The following PDE1A variants were observed in gnomAD, a reference collection of about 807,000 sequenced individuals.
The protein encoded by PDE1A is phosphodiesterase 1A, also known as dual specificity calcium/calmodulin-dependent 3',5'-cyclic nucleotide phosphodiesterase 1A.
In PDE1A, 35 loss-of-function variants were observed where a neutral mutation model predicts 61.7. The ratio of observed to expected loss-of-function variants is 0.57; its 90% CI spans 0.43 to 0.75. The LOEUF (loss-of-function observed/expected upper bound fraction) is 0.75, where lower values mean the gene tolerates loss of function less well. Among genes scored for constraint, PDE1A ranks in the 30% least tolerant of loss-of-function variants. The probability of loss-of-function intolerance (pLI) is 0.00; values close to 1 mark genes in which losing one functional copy is unlikely to be tolerated. For missense variants in PDE1A, 597 were observed against 630.6 expected (o/e 0.95, Z 0.57); for synonymous variants, 232 against 213.2 (o/e 1.09, Z -0.77).
chr2:182,507,282 C>G (rs1365670822), intron 2 of PDE1A, among the ~76,000 whole-genome samples: 3 of 152,126 alleles, frequency 2.0e-5, no homozygotes, highest in Admixed American at 6.5e-5. Flanking sequence ...TATCAACTAG[C>G]TTTTGTTGTG....
chr2:182,311,019 C>A (rs1418777445), intron 1 of PDE1A, among the ~76,000 whole-genome samples: 1 of 152,130 alleles, frequency 6.6e-6, no homozygotes, highest in African/African-American at 2.4e-5. Context: ...GTGGAGGATG[C>A]CAAGACCTAC....
downstream of PDE1A, among the ~76,000 whole-genome samples, chr2:182,143,547 A>G (rs1303949098): frequency 6.6e-6 from 1 of 151,750 alleles, no homozygotes; most frequent in East Asian, 1.9e-4. Context: ...GACGAGTCTC[A>G]CTCTGTCGCC....
the PDE1A span, among the ~76,000 whole-genome samples, chr2:182,639,358 A>C: frequency 6.6e-6 from 1 of 152,186 alleles, no homozygotes; most frequent in Admixed American, 6.5e-5. Context: ...TCTTGAAGCC[A>C]GGAGTTCGAG....
chr2:182,189,556 C>T (rs1342594154), intron 10 of PDE1A, among the ~76,000 whole-genome samples: 1 of 152,140 alleles, frequency 6.6e-6, no homozygotes, highest in African/African-American at 2.4e-5. Context: ...TCTTCCACAA[C>T]ATATAATGAG....
intron 11 of PDE1A, 36 bp from the exon 12 acceptor site, chr2:182,186,624 T>C: frequency 6.4e-7 from 1 of 1,561,970 alleles, no homozygotes; most frequent in African/African-American, 1.4e-5. Flanking sequence ...GAGAGATAAA[T>C]TCAAGTGTTA....
chr2:182,585,910 A>C, the PDE1A span, among the ~76,000 whole-genome samples: 12 of 152,284 alleles, frequency 7.9e-5, no homozygotes, highest in East Asian at 2.1e-3. Context: ...AGGTGATTTG[A>C]CTTAAATTTA....
intron 1 of PDE1A, among the ~76,000 whole-genome samples, chr2:182,313,979 TCTA>T (rs1696167802): frequency 6.6e-6 from 1 of 152,224 alleles, no homozygotes. Flanking sequence ...CCTAGCATGT[TCTA>T]CTAACGGTAA....
At chr2:182,665,180 C>A in the PDE1A span, among the ~76,000 whole-genome samples, 4 of 151,982 alleles carry the variant, frequency 2.6e-5, no homozygotes, top group Non-Finnish European at 5.9e-5. Flanking sequence ...CAGAAGTTTT[C>A]TTGTCATAAA....
intron 1 of PDE1A, among the ~76,000 whole-genome samples, chr2:182,329,211 G>A (rs1208842656): frequency 6.6e-6 from 1 of 151,976 alleles, no homozygotes; most frequent in Non-Finnish European, 1.5e-5. Context: ...CCTATTCCCT[G>A]TGCTCTCAAA....
chr2:182,491,970 C>T (rs188082773), intron 2 of PDE1A, among the ~76,000 whole-genome samples: 8 of 152,194 alleles, frequency 5.3e-5, no homozygotes, highest in African/African-American at 1.7e-4. Flanking sequence ...GGCATATGTT[C>T]GGCCCATTAA....
chr2:182,156,889 A>G (rs1013622304), intron 13 of PDE1A, among the ~76,000 whole-genome samples: 1 of 152,106 alleles, frequency 6.6e-6, no homozygotes, highest in African/African-American at 2.4e-5. Flanking sequence ...CAGTATAAAT[A>G]TATAACTGAA....
downstream of PDE1A, among the ~76,000 whole-genome samples, chr2:182,163,037 C>T (rs1460362896): frequency 6.6e-6 from 1 of 152,114 alleles, no homozygotes; most frequent in Non-Finnish European, 1.5e-5. Context: ...ACTAGTGCAA[C>T]CATCAAGGAC....
At chr2:182,508,371 TG>T (rs1439088271) in intron 2 of PDE1A, among the ~76,000 whole-genome samples, 1 of 151,598 alleles carries the variant, frequency 6.6e-6, no homozygotes, top group Non-Finnish European at 1.5e-5. Context: ...AACATAGTAC[TG>T]GAAGTCTTAG....
Position 182,387,227 on chromosome 2 carries a change from G to C in PDE1A, c.53+39351C>G, listed in dbSNP as rs188016605. On this transcript the variant is annotated intron_variant, in intron 1 of 13. Coordinates refer to ENST00000351439, the Ensembl canonical transcript of PDE1A. ...GCAGATGCTTGAAGGCAGCATACTC[G>C]TTAAGAGTCATCACCACTCCCTAAT... 1.2e-3 allele frequency among the ~76,000 whole-genome samples: 183 copies of C among 152,230 alleles called. 1 individual carries two copies. The highest frequency in any genetic ancestry group is 4.0e-3 in the African/African-American group (166 of 41,546).
At chr2:182,383,267 A>T (rs974968788) in intron 1 of PDE1A, among the ~76,000 whole-genome samples, 4 of 152,144 alleles carry the variant, frequency 2.6e-5, no homozygotes, top group Admixed American at 2.6e-4. Flanking sequence ...TTGCTGTGAA[A>T]ATCTTTTTTC....
At chr2:182,576,591 A>G in the PDE1A span, among the ~76,000 whole-genome samples, 1 of 152,180 alleles carries the variant, frequency 6.6e-6, no homozygotes, top group Non-Finnish European at 1.5e-5. Context: ...CAGAAGTGAA[A>G]TTGCTGGATT....
chr2:182,320,936 A>G (rs1331444642), intron 1 of PDE1A, among the ~76,000 whole-genome samples: 1 of 152,144 alleles, frequency 6.6e-6, no homozygotes, highest in African/African-American at 2.4e-5. Flanking sequence ...ATTTTGTCCT[A>G]TTTCACTAGT....
the PDE1A span, among the ~76,000 whole-genome samples, chr2:182,624,256 G>A: frequency 6.6e-6 from 1 of 151,850 alleles, no homozygotes; most frequent in African/African-American, 2.4e-5. Flanking sequence ...TTTAAAATAC[G>A]TAATAAGCCT....
chr2:182,257,466 A>G (rs1559261712), intron 2 of PDE1A, among the ~76,000 whole-genome samples: 1 of 152,244 alleles, frequency 6.6e-6, no homozygotes, highest in Non-Finnish European at 1.5e-5. Context: ...TTACACTAAA[A>G]AAAGTAAGGG....
Sources: allele counts gnomAD v4.1 joint callset (sites outside exome capture counted in the v4.1 genomes callset), GRCh38; gene constraint gnomAD v4.1.1; transcripts MANE v1.5; gene names NCBI Gene and HGNC (gene_info 2026-07-23, HGNC 2026-07-21).